CLASP1: variants seen among roughly 807,000 people sequenced by gnomAD.
The protein encoded by CLASP1 is CLIP-associating protein 1.
Under a neutral mutation model 192.3 loss-of-function variants are expected in CLASP1, and 38 were observed. The observed-to-expected ratio is 0.20, with a 90% CI of 0.15 to 0.26. CLASP1 has a LOEUF of 0.26. CLASP1 is among the 10% of genes least tolerant of loss of function. CLASP1 has a pLI of 1.00. For missense variants in CLASP1, 1,433 were observed against 1,932.5 expected (o/e 0.74, Z 4.85); for synonymous variants, 691 against 712.8 (o/e 0.97, Z 0.49).
At chr2:121,536,575 A>G (rs1422733476) in intron 2 of CLASP1, among the ~76,000 whole-genome samples, 4 of 152,176 alleles carry the variant, frequency 2.6e-5, no homozygotes, top group African/African-American at 9.7e-5. Context: ...ATGAATGGAT[A>G]TACAAAATGG....
chr2:121,505,391 C>G (rs1181764911), intron 7 of CLASP1: 2 of 152,212 alleles, frequency 1.3e-5, no homozygotes, highest in Non-Finnish European at 2.9e-5. Flanking sequence ...AGTATGTCCA[C>G]CTTAATTCAG....
chr2:121,460,548 C>T (rs188014163), intron 11 of CLASP1, among the ~76,000 whole-genome samples: 1 of 152,204 alleles, frequency 6.6e-6, no homozygotes, highest in Admixed American at 6.5e-5. Flanking sequence ...ATTTATTATC[C>T]TCCACTGAAC....
chr2:121,547,389 C>G (rs959232185), intron 2 of CLASP1, among the ~76,000 whole-genome samples: 31 of 151,960 alleles, frequency 2.0e-4, no homozygotes, highest in Admixed American at 9.2e-4. Context: ...CAAGGGCCCA[C>G]CCACCCCCCT....
intron 7 of CLASP1, among the ~76,000 whole-genome samples, chr2:121,515,219 A>C (rs1321013475): frequency 6.6e-6 from 1 of 152,222 alleles, no homozygotes; most frequent in Non-Finnish European, 1.5e-5. Context: ...ATGAAAACAG[A>C]AAGTTACATT....
intron 2 of CLASP1, among the ~76,000 whole-genome samples, chr2:121,605,338 T>C (rs1422851763): frequency 1.3e-5 from 2 of 152,146 alleles, no homozygotes; most frequent in East Asian, 3.9e-4. Context: ...GTGAAGACAT[T>C]TGTTATTTAT....
chr2:121,618,132 G>A (rs186462566), intron 1 of CLASP1, among the ~76,000 whole-genome samples: 2 of 152,298 alleles, frequency 1.3e-5, no homozygotes, highest in East Asian at 1.9e-4. Context: ...ATTCTACCAC[G>A]TATTTACTGT....
intron 1 of CLASP1, among the ~76,000 whole-genome samples, chr2:121,607,432 T>C (rs1407470930): frequency 6.6e-6 from 1 of 152,218 alleles, no homozygotes; most frequent in African/African-American, 2.4e-5. Flanking sequence ...AGTGTTTTGA[T>C]ATTAAAATTA....
rs114740075 is a variant in CLASP1 at position 121,395,616 on chromosome 2, T to C, written c.3123+1524A>G. Among the ~76,000 whole-genome samples the C allele has an allele frequency of 9.3e-3, 1,413 of 152,352 alleles. 20 individuals are homozygous for C. The highest frequency in any genetic ancestry group is 0.032 in the African/African-American group (1,328 of 41,568). On this transcript the variant is annotated intron_variant, in intron 30 of 39. Transcript: ENST00000263710. ...GTCCTTTCCCTAAACTCATCACTTA[T>C]GCAAACTGCATCCATATTCCACATC... is the stretch of plus-strand genomic sequence containing the variant.
intron 1 of CLASP1, among the ~76,000 whole-genome samples, chr2:121,622,672 T>C (rs1177067326): frequency 6.6e-6 from 1 of 152,222 alleles, no homozygotes; most frequent in Non-Finnish European, 1.5e-5. Context: ...TCCCTTGGTT[T>C]CACTTTTGAA....
At chr2:121,403,405 TC>T (rs1246743989) in intron 26 of CLASP1, 1 of 456,572 alleles carries the variant, frequency 2.2e-6, no homozygotes, top group East Asian at 6.9e-5. Flanking sequence ...CAAGGACAAT[TC>T]CTACGAGGAA....
At chr2:121,440,287 T>A (rs1434760356) in intron 19 of CLASP1, among the ~76,000 whole-genome samples, 1 of 152,180 alleles carries the variant, frequency 6.6e-6, no homozygotes, top group Non-Finnish European at 1.5e-5. Flanking sequence ...GTGTCTTTTG[T>A]TTCATTTTGT....
At chr2:121,562,293 G>A (rs1273711593) in intron 2 of CLASP1, among the ~76,000 whole-genome samples, 1 of 152,208 alleles carries the variant, frequency 6.6e-6, no homozygotes, top group Admixed American at 6.5e-5. Flanking sequence ...AACCTGTGCG[G>A]AACAAACATG....
intron 8 of CLASP1, among the ~76,000 whole-genome samples, chr2:121,480,907 G>T (rs1057357030): frequency 1.3e-5 from 2 of 152,232 alleles, no homozygotes; most frequent in Non-Finnish European, 2.9e-5. Context: ...CTGCCTAAGA[G>T]AGAGGCAAAG....
intron 34 of CLASP1, among the ~76,000 whole-genome samples, chr2:121,376,661 G>A (rs2070294673): frequency 6.6e-6 from 1 of 152,216 alleles, no homozygotes; most frequent in African/African-American, 2.4e-5. Context: ...TCTGTGGCCT[G>A]TTAGGAACTA....
In CLASP1 at chr2:121,338,524, A is replaced by AGGC. The variant is rs1247006562; in HGVS notation, c.*2334_*2336dup. 1.3e-5 allele frequency: 2 copies of AGGC among 152,552 alleles called. 1 individual carries two copies. Among genetic ancestry groups the AGGC allele is most frequent in the South Asian group, 4.1e-4 (2 of 4,822 alleles). 9.4% of individuals were successfully genotyped at this position (152,552 alleles called of 1,614,324 possible). A position where few individuals can be genotyped will look rare whatever the true frequency, so the allele number is the denominator to read the frequency against. On this transcript the variant is annotated 3_prime_UTR_variant, in exon 40 of 40. Transcript: ENST00000263710. ...TCATTGGAACAGGGGCCCTGCAGGG[A>AGGC]GGCGGCGGCAAGGCAAGGCAGCTGC...
chr2:121,578,584 G>A (rs917334812), intron 2 of CLASP1, among the ~76,000 whole-genome samples: 18 of 151,340 alleles, frequency 1.2e-4, no homozygotes, highest in South Asian at 4.2e-4. Flanking sequence ...AAAAATTAGC[G>A]GAGTGTGGTG....
intron 1 of CLASP1, among the ~76,000 whole-genome samples, chr2:121,641,486 AC>A (rs1189084110): frequency 6.6e-6 from 1 of 152,248 alleles, no homozygotes; most frequent in Non-Finnish European, 1.5e-5. Flanking sequence ...GACAACTACA[AC>A]AATCTGTCCC....
intron 2 of CLASP1, among the ~76,000 whole-genome samples, chr2:121,582,403 T>TGGAA (rs1218244699): frequency 3.4e-5 from 4 of 116,026 alleles, no homozygotes; most frequent in African/African-American, 3.5e-5. Context: ...GATGAATGGA[T>TGGAA]GGAAGGAAGG....
chr2:121,566,879 G>T, intron 2 of CLASP1, among the ~76,000 whole-genome samples: 1 of 152,238 alleles, frequency 6.6e-6, no homozygotes, highest in East Asian at 1.9e-4. Context: ...CACCCTAGAA[G>T]CCTGCTCAAA....
Sources: allele counts gnomAD v4.1 joint callset (sites outside exome capture counted in the v4.1 genomes callset), GRCh38; gene constraint gnomAD v4.1.1; transcripts MANE v1.5; gene names NCBI Gene and HGNC (gene_info 2026-07-23, HGNC 2026-07-21).